GRIK2: variants seen among roughly 807,000 people sequenced by gnomAD.
The protein encoded by GRIK2 is glutamate receptor ionotropic, kainate 2.
In GRIK2, 32 loss-of-function variants were observed where a neutral mutation model predicts 100.3. The observed-to-expected ratio is 0.32, with a 90% CI of 0.24 to 0.43. GRIK2 has a LOEUF of 0.43. Ranked by LOEUF, GRIK2 falls within the 20% of genes least tolerant of loss-of-function variation. The pLI, the probability that GRIK2 is intolerant of heterozygous loss-of-function variation, is 1.00. For synonymous variants in GRIK2, 417 were observed against 389.4 expected, an observed-to-expected ratio of 1.07 and a Z score of -0.83; for missense variants, 843 against 1,114.9, an observed-to-expected ratio of 0.76 and a Z score of 3.47.
intron 2 of GRIK2, among the ~76,000 whole-genome samples, chr6:101,569,545 T>C (rs904266312): frequency 6.6e-6 from 1 of 151,900 alleles, no homozygotes; most frequent in African/African-American, 2.4e-5. Flanking sequence ...ATATATTTAG[T>C]GTGTTTGTAA....
chr6:102,024,655 T>C (rs151194108), intron 14 of GRIK2, among the ~76,000 whole-genome samples: 1 of 151,478 alleles, frequency 6.6e-6, no homozygotes, highest in Admixed American at 6.6e-5. Flanking sequence ...CCATTCTTGA[T>C]GTATGTGGAG....
chr6:101,539,748 A>C (rs1383850827), intron 2 of GRIK2, among the ~76,000 whole-genome samples: 1 of 151,706 alleles, frequency 6.6e-6, no homozygotes, highest in Non-Finnish European at 1.5e-5. Context: ...GTCCTAAGTC[A>C]TGTTCGTACA....
intron 7 of GRIK2, among the ~76,000 whole-genome samples, chr6:101,708,601 T>C (rs1409227336): frequency 6.6e-6 from 1 of 151,766 alleles, no homozygotes; most frequent in African/African-American, 2.4e-5. Context: ...TACTGATAAA[T>C]ATGTTGATTG....
intron 14 of GRIK2, 74 bp from the exon 15 acceptor site, chr6:102,035,266 TG>T: frequency 1.5e-6 from 1 of 668,430 alleles, no homozygotes; most frequent in South Asian, 2.0e-5. Context: ...TAGTTCATTG[TG>T]TCTAAGCATT....
chr6:102,033,459 T>C (rs1000697167), intron 14 of GRIK2, among the ~76,000 whole-genome samples: 11 of 151,304 alleles, frequency 7.3e-5, no homozygotes, highest in African/African-American at 2.4e-4. Flanking sequence ...TATTCGGAGA[T>C]AGGCTGTAAC....
intron 14 of GRIK2, among the ~76,000 whole-genome samples, chr6:101,953,996 G>T (rs1791757657): frequency 6.6e-6 from 1 of 152,092 alleles, no homozygotes; most frequent in South Asian, 2.1e-4. Flanking sequence ...TCCCAACACA[G>T]TGTGTTGAAG....
rs1223749082 is a variant in GRIK2, at chr6:102,055,756, A to G, written c.2562+176A>G. On this transcript the variant is annotated intron_variant, in intron 16 of 16. Coordinates refer to ENST00000369134, the MANE Select transcript of GRIK2 (RefSeq NM_021956.5). ...TTATATTTTGTGAAATTTCACAGAA[A>G]GACTCATGGTCACCTTTATGATTTT... 2.0e-5 allele frequency among the ~76,000 whole-genome samples: 3 copies of G among 152,090 alleles called. 1 individual carries two copies. Among genetic ancestry groups the G allele is most frequent in the Admixed American group, 1.3e-4 (2 of 15,240 alleles).
chr6:101,979,719 T>C (rs1793602641), intron 14 of GRIK2, among the ~76,000 whole-genome samples: 1 of 151,964 alleles, frequency 6.6e-6, no homozygotes, highest in Non-Finnish European at 1.5e-5. Context: ...ATCTTGGTGA[T>C]AGAGGGACAC....
chr6:102,042,602 G>A (rs1231459763), intron 15 of GRIK2, among the ~76,000 whole-genome samples: 1 of 151,366 alleles, frequency 6.6e-6, no homozygotes, highest in African/African-American at 2.4e-5. Context: ...CCAATTTTAG[G>A]GTTCTTAATG....
intron 10 of GRIK2, among the ~76,000 whole-genome samples, chr6:101,834,733 G>GT (rs1428767683): frequency 6.6e-6 from 1 of 152,008 alleles, no homozygotes; most frequent in Non-Finnish European, 1.5e-5. Flanking sequence ...AGTGTTCATG[G>GT]TTTTTTTAAA....
intron 14 of GRIK2, among the ~76,000 whole-genome samples, chr6:102,010,403 A>G (rs1795467144): frequency 7.7e-6 from 1 of 130,528 alleles, no homozygotes; most frequent in African/African-American, 3.0e-5. Flanking sequence ...TTTTCTTTTG[A>G]GACAGAGTCT....
chr6:101,524,645 C>T (rs903876177), intron 2 of GRIK2, among the ~76,000 whole-genome samples: 1 of 151,784 alleles, frequency 6.6e-6, no homozygotes, highest in East Asian at 1.9e-4. Context: ...CATTTGATCA[C>T]CTTGCTCCAC....
At chr6:101,841,538 A>G (rs1301508445) in intron 10 of GRIK2, among the ~76,000 whole-genome samples, 2 of 151,800 alleles carry the variant, frequency 1.3e-5, no homozygotes, top group Non-Finnish European at 2.9e-5. Flanking sequence ...TAAGTTTTGT[A>G]TTTTTAGTAG....
chr6:101,943,066 G>A (rs551312308), intron 14 of GRIK2, among the ~76,000 whole-genome samples: 5 of 152,184 alleles, frequency 3.3e-5, no homozygotes, highest in Non-Finnish European at 7.3e-5. Flanking sequence ...CTGCAGCTCT[G>A]TGCAGCCTCA....
At chr6:101,949,506 C>T (rs1026256624) in intron 14 of GRIK2, among the ~76,000 whole-genome samples, 2 of 152,070 alleles carry the variant, frequency 1.3e-5, no homozygotes, top group African/African-American at 4.8e-5. Flanking sequence ...CTATCCTTCC[C>T]CTAGTCCCCC....
chr6:101,822,265 A>C (rs1404819906), intron 10 of GRIK2, among the ~76,000 whole-genome samples: 1 of 151,066 alleles, frequency 6.6e-6, no homozygotes, highest in Admixed American at 6.6e-5. Context: ...ACTTATAATT[A>C]AGATATAAAA....
chr6:101,829,696 A>G lies in GRIK2; in HGVS notation c.1317+11213A>G, dbSNP rs556750901. ...GAATACACCTAATTAAAAAATGCGA[A>G]ATGTCTTTATGAGGAGCACTAAAGA... On this transcript the variant is annotated intron_variant, in intron 10 of 16. Transcript: ENST00000369134. 2.0e-3 allele frequency among the ~76,000 whole-genome samples: 299 copies of G among 151,996 alleles called. 3 individuals carry two copies. Among genetic ancestry groups the G allele is most frequent in the African/African-American group, 6.7e-3 (279 of 41,536 alleles).
chr6:101,956,066 C>T (rs371159358), intron 14 of GRIK2, among the ~76,000 whole-genome samples: 16 of 152,182 alleles, frequency 1.1e-4, no homozygotes, highest in African/African-American at 3.6e-4. Context: ...GCTTTAACTT[C>T]ATCCTACAAG....
chr6:101,824,797 A>G (rs1782207019), intron 10 of GRIK2, among the ~76,000 whole-genome samples: 1 of 152,170 alleles, frequency 6.6e-6, no homozygotes, highest in Non-Finnish European at 1.5e-5. Flanking sequence ...GTATTACAGT[A>G]TCCACTTTAC....
Sources: allele counts gnomAD v4.1 joint callset (sites outside exome capture counted in the v4.1 genomes callset), GRCh38; gene constraint gnomAD v4.1.1; transcripts MANE v1.5; gene names NCBI Gene and HGNC (gene_info 2026-07-23, HGNC 2026-07-21).